TNS2: variants seen among roughly 807,000 people sequenced by gnomAD.
TNS2 encodes tensin-2.
A neutral mutation model predicts 155.7 loss-of-function variants in TNS2; 77 were observed. The observed-to-expected ratio is 0.49, with a 90% CI of 0.41 to 0.60. The LOEUF is 0.60. Ranked by LOEUF, TNS2 falls within the 20% of genes least tolerant of loss-of-function variation. The probability of loss-of-function intolerance (pLI) is 0.00; values close to 1 mark genes in which losing one functional copy is unlikely to be tolerated. For synonymous variants in TNS2, 726 were observed against 763.9 expected, an observed-to-expected ratio of 0.95 and a Z score of 0.82; for missense variants, 1,703 against 1,868.8, an observed-to-expected ratio of 0.91 and a Z score of 1.64.
In TNS2 at chr12:53,061,279, A is replaced by AG. The variant is rs1280955836; in HGVS notation, c.3358+20dup. 5 of 1,593,396 alleles carry AG rather than the reference A, an allele frequency of 3.1e-6. No homozygotes were observed. In the African/African-American group the frequency reaches 5.4e-5, roughly 17 times the overall value. ...CCAAACCCCAGGTATAAAGGCCTTG[A>AG]GGGGGTTGGTGCCACCTTGAGAGAA... On this transcript the variant is annotated intron_variant, in intron 20 of 28. Coordinates refer to ENST00000314250, the MANE Select transcript of TNS2 (RefSeq NM_170754.4).
Position 53,062,607 on chromosome 12 carries a change from T to C in TNS2, c.3746-13T>C. 1 of 1,613,692 alleles carries C rather than the reference T, an allele frequency of 6.2e-7. No individual in the cohort carries two copies. The highest frequency in any genetic ancestry group is 1.3e-5 in the African/African-American group (1 of 75,014). ...GCCTTCTGAGCTTCCCTGTCGGTTC[T>C]CATTGCCCTCAGATCCTCTGGAAGA... On this transcript the variant is annotated splice_polypyrimidine_tract_variant and intron_variant, in intron 24 of 28. Coordinates refer to ENST00000314250, the MANE Select transcript of TNS2 (RefSeq NM_170754.4).
In TNS2 at chr12:53,058,753, A is replaced by T; in HGVS notation, c.1331A>T (p.Tyr444Phe). Residue 444 changes from tyrosine to phenylalanine, a missense_variant, in exon 17 of 29, where the codon TAC becomes TTC. Coordinates refer to ENST00000314250, the MANE Select transcript of TNS2 (RefSeq NM_170754.4). Reference sequence around the variant, plus strand: ...AACGACCCCTCGGTCTCTGTCGACTACAACACCACTGAGCCAGCCGTGCGC... The same window carrying T: ...AACGACCCCTCGGTCTCTGTCGACTTCAACACCACTGAGCCAGCCGTGCGC... ...PRNDPSVSVD[Y>F]NTTEPAVRWD... The T allele has an allele frequency of 1.2e-6, 2 of 1,613,966 alleles. No individual in the cohort carries two copies. The highest frequency in any genetic ancestry group is 1.7e-6 in the Non-Finnish European group (2 of 1,179,988).
chr12:53,053,479 G>A, intron 4 of TNS2, 30 bp downstream of exon 4: 1 of 1,613,618 alleles, frequency 6.2e-7, no homozygotes. Context: ...GGGTGGGGAG[G>A]GCAAGGAACC....
chr12:53,048,557 G>A (rs1426404980), upstream of TNS2, among the ~76,000 whole-genome samples: 1 of 152,172 alleles, frequency 6.6e-6, no homozygotes, highest in East Asian at 1.9e-4. Flanking sequence ...GGAATGTGCT[G>A]GGACACAGCC....
Position 53,058,068 on chromosome 12 carries a change from T to C in TNS2, c.1061T>C (p.Leu354Pro). Residue 354 changes from leucine to proline, a missense_variant, in exon 14 of 29, where the codon CTG (leucine) becomes CCG (proline). Leu to Pro is a moderately conservative substitution (Grantham distance 98, BLOSUM62 -3). Coordinates refer to ENST00000314250, the MANE Select transcript of TNS2 (RefSeq NM_170754.4). ...GPGPQQLCIS[L>P]EPALLLKGDV... ...GGTCCCCAGCAGCTTTGCATCAGCC[T>C]GGAGCCAGCCCTCCTCCTCAAAGGC... The C allele has an allele frequency of 2.5e-6, 4 of 1,614,130 alleles. No homozygotes were observed. Among genetic ancestry groups the C allele is most frequent in the Non-Finnish European group, 3.4e-6 (4 of 1,180,020 alleles).
rs769644255 is a variant in TNS2, at chr12:53,063,606, C to T, written c.4091+14C>T. The T allele has an allele frequency of 1.3e-5, 21 of 1,614,040 alleles. No homozygotes were observed. The highest frequency in any genetic ancestry group is 3.3e-4 in the Middle Eastern group (2 of 6,084). ...GACCACCTCCAAGTAAGCCTCCCCA[C>T]GAATTCAGCCTCTTCCTTCCAAGGG... On this transcript the variant is annotated intron_variant, in intron 28 of 28. Coordinates refer to ENST00000314250, the MANE Select transcript of TNS2 (RefSeq NM_170754.4). This position sits in a 1 kb window ranked among gnomAD's most constrained non-coding sequence, Gnocchi z 5.6.
In TNS2 at chr12:53,061,278, G is replaced by A; in HGVS notation, c.3358+14G>A. 6.3e-7 allele frequency: 1 copy of A among 1,593,404 alleles called. No homozygotes were observed. The highest frequency in any genetic ancestry group is 2.2e-5 in the East Asian group (1 of 44,774). On this transcript the variant is annotated intron_variant, in intron 20 of 28. Transcript: ENST00000314250. ...CCCAAACCCCAGGTATAAAGGCCTT[G>A]AGGGGGTTGGTGCCACCTTGAGAGA... is the stretch of plus-strand genomic sequence containing the variant.
rs377404086 is a variant in TNS2, at chr12:53,059,578, C to T, written c.1937C>T (p.Ser646Leu). ...ATGGAGAAGAGGCGCCTCTGCCGAT[C>T]GCTGTCAGAGGGGCTATACCCCTAC... ...ASMEKRRLCRSLSEGLYPYPP... is the reference protein window; with the variant it reads ...ASMEKRRLCRLLSEGLYPYPP... The change falls in exon 18 of 29, where the codon TCG (serine) becomes TTG (leucine). Residue 646 changes from serine (S) to leucine (L), a missense_variant. Coordinates refer to ENST00000314250, the MANE Select transcript of TNS2 (RefSeq NM_170754.4). The surrounding 1 kb of genome is among the most constrained non-coding windows in gnomAD (Gnocchi z 4.7). 7.4e-5 allele frequency: 118 copies of T among 1,602,604 alleles called. No individual in the cohort carries two copies. The highest frequency in any genetic ancestry group is 2.7e-4 in the East Asian group (12 of 44,786).
rs1050309381 is a variant in TNS2 at position 53,064,041 on chromosome 12, C to T, written c.*159C>T. The stretch of plus-strand genomic sequence containing the variant: ...GGCCTGGGACACTGCTCTCCTTCCC[C>T]GCCCCCAGCCTGCTAAGTTAAGTGG... On this transcript the variant is annotated 3_prime_UTR_variant, in exon 29 of 29. Transcript: ENST00000314250. 75 of 760,892 alleles carry T rather than the reference C, an allele frequency of 9.9e-5. 1 individual carries two copies. Among genetic ancestry groups the T allele is most frequent in the African/African-American group, 7.9e-4 (45 of 56,818 alleles). The allele number at this position is 760,892 out of a possible 1,614,324, so 47.1% of individuals were successfully genotyped here.
chr12:53,047,533 G>A (rs1316529520), upstream of TNS2, among the ~76,000 whole-genome samples: 2 of 150,066 alleles, frequency 1.3e-5, no homozygotes, highest in East Asian at 3.9e-4. Flanking sequence ...CTGGCTGGCC[G>A]CGGAGAGCTG....
chr12:53,047,499 GGCCCA>G (rs1943768225), upstream of TNS2, among the ~76,000 whole-genome samples: 1 of 148,866 alleles, frequency 6.7e-6, no homozygotes, highest in Non-Finnish European at 1.5e-5. Flanking sequence ...CGCGGGGCGC[GGCCCA>G]GGGCTGGGGC....
chr12:53,048,518 G>T (rs986330573), upstream of TNS2, among the ~76,000 whole-genome samples: 3 of 152,064 alleles, frequency 2.0e-5, no homozygotes, highest in Non-Finnish European at 1.5e-5. Context: ...ACAAGGCCAG[G>T]CCCGGTTGCC....
Position 53,060,175 on chromosome 12 carries a change from G to T in TNS2, c.2534G>T (p.Ser845Ile). The change falls in exon 18 of 29, where the codon AGC becomes ATC. Residue 845 changes from serine (S) to isoleucine (I), a missense_variant. Coordinates refer to ENST00000314250, the MANE Select transcript of TNS2 (RefSeq NM_170754.4). The surrounding 1 kb of genome is among the most constrained non-coding windows in gnomAD (Gnocchi z 6.1). ...SPPYPQSRKLSYEIPTEEGGD... is the reference protein window; with the variant it reads ...SPPYPQSRKLIYEIPTEEGGD... ...CCCTATCCACAATCTAGGAAGCTGA[G>T]CTACGAGATCCCTACGGAGGAGGGA... The T allele has an allele frequency of 6.2e-7, 1 of 1,604,428 alleles. No individual in the cohort carries two copies. Among genetic ancestry groups the T allele is most frequent in the East Asian group, 2.2e-5 (1 of 44,738 alleles).
chr12:53,047,458 C>T (rs1338301310), upstream of TNS2, among the ~76,000 whole-genome samples: 2 of 139,358 alleles, frequency 1.4e-5, no homozygotes, highest in Non-Finnish European at 3.2e-5. Context: ...CCAGGGGGCG[C>T]GGGGCCGCCG....
At position 53,060,743 on chromosome 12, in the gene TNS2, TGCCCCCTGTTTCCCAGGCAGGCACCGG is replaced by T; in HGVS notation, c.2838_2864del (p.Pro947_Gly955del). On this transcript the variant is annotated inframe_deletion, in exon 20 of 29. Coordinates refer to ENST00000314250, the MANE Select transcript of TNS2 (RefSeq NM_170754.4). The surrounding 1 kb of genome is among the most constrained non-coding windows in gnomAD (Gnocchi z 6.1). ...CAGAGACTGAGTCCTGGCGAGGCCTTGCCCCCTGTTTCCCAGGCAGGCACCGGAAAGGCCCCTGAGCTGCCGTCGGGA... is the reference window on the plus strand; with the variant it reads ...CAGAGACTGAGTCCTGGCGAGGCCTTAAAGGCCCCTGAGCTGCCGTCGGGA... The T allele has an allele frequency of 6.2e-7, 1 of 1,610,516 alleles. No individual in the cohort carries two copies. The highest frequency in any genetic ancestry group is 8.5e-7 in the Non-Finnish European group (1 of 1,177,946).
chr12:53,061,037 C>G lies in TNS2; in HGVS notation c.3131C>G (p.Ala1044Gly). The change falls in exon 20 of 29, where the codon GCC becomes GGC. Residue 1044 changes from alanine (A) to glycine (G), a missense_variant. Ala to Gly is a moderately conservative substitution (Grantham distance 60, BLOSUM62 0). Transcript: ENST00000314250. ...PVPSQMPWLV[A>G]SPEPPQSSPT... ...CCTTCCCAGATGCCCTGGCTTGTGG[C>G]CAGCCCAGAGCCGCCTCAGAGCTCA... 6.2e-7 allele frequency: 1 copy of G among 1,613,712 alleles called. No individual in the cohort carries two copies. The highest frequency in any genetic ancestry group is 8.5e-7 in the Non-Finnish European group (1 of 1,179,870).
At chr12:53,056,000 C>T (rs1416210764) in intron 10 of TNS2, 155 bp downstream of exon 10, 10 of 726,548 alleles carry the variant, frequency 1.4e-5, no homozygotes, top group African/African-American at 1.8e-5. Flanking sequence ...AGTACTGCAA[C>T]ATAGTCTGCA....
intron 14 of TNS2, 55 bp downstream of exon 14, chr12:53,058,157 G>C: frequency 1.2e-6 from 2 of 1,612,770 alleles, no homozygotes. Context: ...GGGGTTGGTG[G>C]TGTAACGGCA....
intron 3 of TNS2, chr12:53,053,157 G>T (rs1944001701): frequency 2.0e-6 from 1 of 510,142 alleles, no homozygotes; most frequent in Admixed American, 3.3e-5. Flanking sequence ...TATAACTCCT[G>T]CCCTACAGCT....
Sources: gnomAD v4.1 joint callset for allele counts (sites outside exome capture counted in the v4.1 genomes callset) on GRCh38, gnomAD v4.1.1 for gene constraint, Gnocchi (gnomAD v3.1) non-coding constraint, MANE v1.5 for transcripts, NCBI Gene and HGNC (gene_info 2026-07-23, HGNC 2026-07-21) for gene names.